GTF2F1: variants seen among roughly 807,000 people sequenced by gnomAD.
The protein encoded by GTF2F1 is general transcription factor IIF 74 kDa subunit.
A neutral mutation model predicts 63.5 loss-of-function variants in GTF2F1; 39 were observed. The ratio of observed to expected loss-of-function variants is 0.61; its 90% confidence interval spans 0.48 to 0.80. The LOEUF (loss-of-function observed/expected upper bound fraction) is 0.80. Among genes scored for constraint, GTF2F1 ranks in the 30% least tolerant of loss-of-function variants. The pLI is 0.00. For synonymous variants in GTF2F1, 287 were observed against 285.3 expected (o/e 1.01, Z -0.06); for missense variants, 657 against 718.3 (o/e 0.91, Z 0.97).
At chr19:6,384,508 C>CA (rs144809526) in intron 5 of GTF2F1, among the ~76,000 whole-genome samples, 8,717 of 135,362 alleles carry the variant, frequency 0.064, 523 homozygotes, top group African/African-American at 0.17. Context: ...AATCTGTCTC[C>CA]AAAAAAAAAA....
rs761629237 is a variant in GTF2F1, at chr19:6,380,987, CCCCTTGAGCT to C, written c.1138_1147del (p.Ser380AlafsTer32). 2.9e-5 allele frequency: 46 copies of C among 1,607,840 alleles called. No individual in the cohort carries two copies. Among genetic ancestry groups the C allele is most frequent in the Non-Finnish European group, 3.7e-5 (43 of 1,177,370 alleles). ...GCTGGGCGTGCCTGGGCGGCTGTTG[CCCCTTGAGCT>C]CCCTCCCGACGGCTTCCGCTCTCTC... On this transcript the variant is annotated frameshift_variant, in exon 11 of 13. Coordinates refer to ENST00000394456, the MANE Select transcript of GTF2F1 (RefSeq NM_002096.3). LOFTEE classifies it high-confidence loss of function. This position sits in a 1 kb window ranked among gnomAD's most constrained non-coding sequence, Gnocchi z 5.3.
Position 6,392,840 on chromosome 19 carries a change from T to G in GTF2F1, c.59+17A>C, listed in dbSNP as rs766065885. ...TTGGGGGGTGGAGAGGAGTGGGAGA[T>G]GGGGCTGGGGACTTACTTAGGAACT... On this transcript the variant is annotated intron_variant, in intron 2 of 12. Transcript: ENST00000394456. 6.2e-7 allele frequency: 1 copy of G among 1,610,544 alleles called. No homozygotes were observed. Among genetic ancestry groups the G allele is most frequent in the South Asian group, 1.1e-5 (1 of 90,998 alleles).
chr19:6,383,535 A>C lies in GTF2F1; in HGVS notation c.498-40T>G. On this transcript the variant is annotated intron_variant, in intron 5 of 12. Coordinates refer to ENST00000394456, the MANE Select transcript of GTF2F1 (RefSeq NM_002096.3). The surrounding 1 kb of genome is among the most constrained non-coding windows in gnomAD (Gnocchi z 4.5). Reference sequence around the variant, plus strand: ...CAGGGGGGCTCATGCCGGGCCTGGCACCACCCTGCATCTGTGCTTGCAGGG... The same window carrying C: ...CAGGGGGGCTCATGCCGGGCCTGGCCCCACCCTGCATCTGTGCTTGCAGGG... 6.3e-7 allele frequency: 1 copy of C among 1,597,782 alleles called. No individual in the cohort carries two copies. Among genetic ancestry groups the C allele is most frequent in the Non-Finnish European group, 8.5e-7 (1 of 1,170,776 alleles).
chr19:6,387,505 G>C lies in GTF2F1; in HGVS notation c.381C>G (p.Phe127Leu), dbSNP rs753970838. The change falls in exon 5 of 13, where the codon TTC (phenylalanine) becomes TTG (leucine). Residue 127 changes from phenylalanine (F) to leucine (L), a missense_variant. By Grantham distance (22) the Phe-to-Leu change is conservative (BLOSUM62 0). Around this residue, in one of 2 missense-constraint regions of GTF2F1, gnomAD observed 602 missense variants for 625.6 expected, o/e 0.96. Transcript: ENST00000394456. ...GVTENTSYYI[F>L]TQCPDGAFEA... ...CGAAGGCCCCGTCGGGGCACTGGGT[G>C]AAGATGTAGTAGGACGTGTTCTCTG... The C allele has an allele frequency of 2.5e-6, 4 of 1,614,090 alleles. No homozygotes were observed. Among genetic ancestry groups the C allele is most frequent in the Non-Finnish European group, 3.4e-6 (4 of 1,180,000 alleles).
At chr19:6,392,604 G>A (rs557947661) in intron 2 of GTF2F1, among the ~76,000 whole-genome samples, 1 of 152,176 alleles carries the variant, frequency 6.6e-6, no homozygotes, top group African/African-American at 2.4e-5. Context: ...TGGGCATCAT[G>A]GGACCATATA....
chr19:6,391,439 G>GTTTTTTTTTTTTTTTTTTTTTTTTTTT (rs11340944), intron 3 of GTF2F1, among the ~76,000 whole-genome samples: 5 of 87,450 alleles, frequency 5.7e-5, no homozygotes, highest in African/African-American at 1.6e-4. Context: ...TGCCATTTCC[G>GTTTTTTTTTTTTTTTTTTTTTTTTTTT]TTTTTTTTTT....
Position 6,381,329 on chromosome 19 carries a change from C to T in GTF2F1, c.1018+30G>A. ...GCAGGGCGCCAGGGCCCGACCCAAG[C>T]CTCCAATATGGGGGCCACATGCGCC... On this transcript the variant is annotated intron_variant, in intron 9 of 12. Coordinates refer to ENST00000394456, the MANE Select transcript of GTF2F1 (RefSeq NM_002096.3). The surrounding 1 kb of genome is among the most constrained non-coding windows in gnomAD (Gnocchi z 4.1). The T allele has an allele frequency of 3.2e-6, 5 of 1,556,288 alleles. No homozygotes were observed. The highest frequency in any genetic ancestry group is 4.3e-6 in the Non-Finnish European group (5 of 1,149,758).
intron 5 of GTF2F1, among the ~76,000 whole-genome samples, chr19:6,385,945 A>G (rs1465597644): frequency 1.3e-5 from 2 of 152,034 alleles, no homozygotes; most frequent in African/African-American, 4.8e-5. Flanking sequence ...GCATGGTGGC[A>G]GGCGCCTGTA....
Position 6,381,337 on chromosome 19 carries a change from A to T in GTF2F1, c.1018+22T>A, listed in dbSNP as rs2145072229. On this transcript the variant is annotated intron_variant, in intron 9 of 12. Coordinates refer to ENST00000394456, the MANE Select transcript of GTF2F1 (RefSeq NM_002096.3). The surrounding 1 kb of genome is among the most constrained non-coding windows in gnomAD (Gnocchi z 4.1). ...CCAGGGCCCGACCCAAGCCTCCAAT[A>T]TGGGGGCCACATGCGCCGCACCTTT... 6.4e-7 allele frequency: 1 copy of T among 1,563,930 alleles called. No individual in the cohort carries two copies. The highest frequency in any genetic ancestry group is 2.4e-5 in the East Asian group (1 of 42,364).
In GTF2F1 at chr19:6,383,407, TCTCCTTCTC is replaced by T; in HGVS notation, c.577_585del (p.Glu193_Glu195del). 6.2e-7 allele frequency: 1 copy of T among 1,614,204 alleles called. No homozygotes were observed. The highest frequency in any genetic ancestry group is 8.5e-7 in the Non-Finnish European group (1 of 1,180,036). On this transcript the variant is annotated inframe_deletion, in exon 6 of 13. Transcript: ENST00000394456. The surrounding 1 kb of genome is among the most constrained non-coding windows in gnomAD (Gnocchi z 4.5). ...TCGCTCGCCTTCCTGCGGCCACGTT[TCTCCTTCTC>T]CTCCTCATCCTCGTCCTGGTCCTGA...
chr19:6,385,025 T>C (rs911183621), intron 5 of GTF2F1, among the ~76,000 whole-genome samples: 2 of 152,030 alleles, frequency 1.3e-5, no homozygotes, highest in Non-Finnish European at 2.9e-5. Context: ...GGTCTCGAAC[T>C]CTTGACCTTG....
Position 6,392,338 on chromosome 19 carries a change from G to C in GTF2F1, c.60-364C>G, listed in dbSNP as rs115637950. 3 of 478,918 alleles carry C rather than the reference G, an allele frequency of 6.3e-6. No individual in the cohort carries two copies. In the East Asian group the frequency reaches 1.9e-4, roughly 30 times the overall value. 29.7% of individuals were successfully genotyped at this position (478,918 alleles called of 1,614,324 possible). A position where few individuals can be genotyped will look rare whatever the true frequency, so the allele number is the denominator to read the frequency against. On this transcript the variant is annotated intron_variant, in intron 2 of 12. Coordinates refer to ENST00000394456, the MANE Select transcript of GTF2F1 (RefSeq NM_002096.3). ...AGAGCAGATGGAGGGACGAAGATTT[G>C]GGGGAACCCAAGATGTGGAGATTAT...
chr19:6,385,675 A>G (rs1599212828), intron 5 of GTF2F1, among the ~76,000 whole-genome samples: 1 of 152,080 alleles, frequency 6.6e-6, no homozygotes, highest in Non-Finnish European at 1.5e-5. Flanking sequence ...ACAGGCTCGG[A>G]GGCTCATGAC....
At position 6,393,036 on chromosome 19, in the gene GTF2F1, C is replaced by G; in HGVS notation, c.-41G>C. 1.2e-6 allele frequency: 2 copies of G among 1,612,282 alleles called. No homozygotes were observed. The highest frequency in any genetic ancestry group is 1.7e-6 in the Non-Finnish European group (2 of 1,179,664). On this transcript the variant is annotated 5_prime_UTR_variant, in exon 1 of 13. Coordinates refer to ENST00000394456, the MANE Select transcript of GTF2F1 (RefSeq NM_002096.3). ...GTTCCGATCTGGTCCGACCCGGGTT[C>G]CTTTCGTCTCCTCTGGCGTGCGCGT...
intron 3 of GTF2F1, among the ~76,000 whole-genome samples, chr19:6,391,160 C>T (rs1023833119): frequency 6.6e-6 from 1 of 152,204 alleles, no homozygotes; most frequent in African/African-American, 2.4e-5. Context: ...CTCAAACCCA[C>T]AGTTTGTCTC....
At chr19:6,389,198 T>C (rs944267954) in intron 4 of GTF2F1, among the ~76,000 whole-genome samples, 3 of 152,044 alleles carry the variant, frequency 2.0e-5, no homozygotes, top group African/African-American at 7.2e-5. Context: ...ATCGTGCTAC[T>C]GCACTCCAGC....
chr19:6,389,770 G>C, intron 3 of GTF2F1, 133 bp from the exon 4 acceptor site: 2 of 720,738 alleles, frequency 2.8e-6, no homozygotes, highest in Non-Finnish European at 4.6e-6. Context: ...GGCAACAAGG[G>C]AGGAGAACGG....
chr19:6,392,748 G>T (rs1568332882), intron 2 of GTF2F1, 109 bp downstream of exon 2: 1 of 1,090,366 alleles, frequency 9.2e-7, no homozygotes, highest in Non-Finnish European at 1.4e-6. Flanking sequence ...GTCTCTCCCG[G>T]TCTGGAGGGA....
At chr19:6,387,593 G>A in intron 4 of GTF2F1, 34 bp from the exon 5 acceptor site, 2 of 1,589,794 alleles carry the variant, frequency 1.3e-6, no homozygotes, top group African/African-American at 1.3e-5. Context: ...CTGGCCCATA[G>A]GGACCAGCCC....
Sources: gnomAD v4.1 joint callset for allele counts (sites outside exome capture counted in the v4.1 genomes callset) on GRCh38, gnomAD v4.1.1 for gene constraint, gnomAD v4.1.1 regional missense constraint, Gnocchi (gnomAD v3.1) non-coding constraint, MANE v1.5 for transcripts, NCBI Gene and HGNC (gene_info 2026-07-23, HGNC 2026-07-21) for gene names.